The following TPR variants were observed in gnomAD, a reference collection of about 807,000 sequenced individuals.
TPR encodes translocated promoter region, nuclear basket protein.
TPR carries 51 observed loss-of-function variants against 316.1 expected under a neutral mutation model. That is an observed-to-expected ratio of 0.16 (90% CI 0.13 to 0.20). The LOEUF (loss-of-function observed/expected upper bound fraction) is 0.20. TPR is among the 10% of genes least tolerant of loss of function. The pLI is 1.00. For synonymous variants in TPR, 981 were observed against 914.7 expected (o/e 1.07, Z -1.31); for missense variants, 2,272 against 2,754.8 (o/e 0.82, Z 3.92).
chr1:186,358,366 G>A (rs1023049111), intron 13 of TPR, among the ~76,000 whole-genome samples, 177 bp downstream of exon 13: 2 of 151,812 alleles, frequency 1.3e-5, no homozygotes, highest in African/African-American at 4.8e-5. Flanking sequence ...TCAAACATTT[G>A]AAAAAAGGGA....
At chr1:186,319,546 C>G (rs1466344589) in intron 46 of TPR, among the ~76,000 whole-genome samples, 9 of 152,152 alleles carry the variant, frequency 5.9e-5, no homozygotes, top group Non-Finnish European at 2.9e-5. Context: ...AATCACATAA[C>G]ATTTTAAATT....
At position 186,336,971 on chromosome 1, in the gene TPR, T is replaced by A. The variant is rs752510828; in HGVS notation, c.4506+42A>T. On this transcript the variant is annotated intron_variant, in intron 32 of 50. Transcript: ENST00000367478. Reference sequence around the variant, plus strand: ...GTTAACACATATTTCTTTAGGTGTATAACAGGAAAGAATTAGGAACAGACT... The same window carrying A: ...GTTAACACATATTTCTTTAGGTGTAAAACAGGAAAGAATTAGGAACAGACT... The A allele has an allele frequency of 6.2e-6, 10 of 1,611,788 alleles. No individual in the cohort carries two copies. The South Asian group carries it at 1.1e-4, about 18-fold the overall frequency.
At chr1:186,323,529 T>C (rs549981347) in intron 43 of TPR, among the ~76,000 whole-genome samples, 157 bp downstream of exon 43, 1 of 152,316 alleles carries the variant, frequency 6.6e-6, no homozygotes, top group East Asian at 1.9e-4. Context: ...TTAGTTTTAG[T>C]TCAAAGAATT....
chr1:186,335,718 A>G (rs1658320137), intron 33 of TPR, among the ~76,000 whole-genome samples, 175 bp from the exon 34 acceptor site: 1 of 152,158 alleles, frequency 6.6e-6, no homozygotes, highest in South Asian at 2.1e-4. Flanking sequence ...GCTTTAACTT[A>G]TTACTAGAAT....
In TPR at chr1:186,362,310, T is replaced by A; in HGVS notation, c.767A>T (p.Asp256Val). The change falls in exon 7 of 51, where the codon GAT (aspartate) becomes GTT (valine). Residue 256 changes from aspartate to valine, a missense_variant. Around this residue, in one of 10 missense-constraint regions of TPR, gnomAD observed 549 missense variants for 598.6 expected, o/e 0.92. Coordinates refer to ENST00000367478, the MANE Select transcript of TPR (RefSeq NM_003292.3). Reference protein sequence around the residue: ...SNEHLQKHVEDLLTKLKEAKE... With the variant: ...SNEHLQKHVEVLLTKLKEAKE... ...TACCTCTTTTAATTTGGTCAACAGA[T>A]CCTCCACATGCTTTTGAAGATGTTC... 6.2e-7 allele frequency: 1 copy of A among 1,612,342 alleles called. No homozygotes were observed. The highest frequency in any genetic ancestry group is 1.3e-5 in the African/African-American group (1 of 74,958).
At chr1:186,365,555 T>C (rs146750376) in intron 4 of TPR, among the ~76,000 whole-genome samples, 1,667 of 152,180 alleles carry the variant, frequency 0.011, 18 homozygotes, top group Middle Eastern at 0.027. Flanking sequence ...TACGGCTCAA[T>C]AGAGATGATA....
In TPR at chr1:186,335,344, A is replaced by G. The variant is rs1325449974; in HGVS notation, c.4905T>C (p.Ser1635=). ...LEQRDEPQEP[S]NKVPEQQRQI... ...AGCAGAATTAGCTAATCACCTTATT[A>G]GAAGGTTCTTGAGGCTCATCTCTCT... Residue 1635 remains serine (S), a synonymous_variant, in exon 34 of 51, where the codon TCT becomes TCC. Coordinates refer to ENST00000367478, the MANE Select transcript of TPR (RefSeq NM_003292.3). 1.2e-6 allele frequency: 2 copies of G among 1,612,828 alleles called. No homozygotes were observed. The highest frequency in any genetic ancestry group is 1.7e-6 in the Non-Finnish European group (2 of 1,179,500).
At chr1:186,326,362 T>C in intron 40 of TPR, 127 bp from the exon 41 acceptor site, 1 of 1,408,808 alleles carries the variant, frequency 7.1e-7, no homozygotes, top group Non-Finnish European at 9.5e-7. Flanking sequence ...TCCTGAGAGT[T>C]GTATGGGATT....
Position 186,341,234 on chromosome 1 carries a change from G to C in TPR, c.3888+18C>G. ...TTAAAAACAACATGCTTCCACTCTTGATAACTAAGCAACAAACCTTTGCTT... is the reference window on the plus strand; with the variant it reads ...TTAAAAACAACATGCTTCCACTCTTCATAACTAAGCAACAAACCTTTGCTT... On this transcript the variant is annotated intron_variant, in intron 28 of 50. Transcript: ENST00000367478. The C allele has an allele frequency of 6.2e-7, 1 of 1,613,346 alleles. No individual in the cohort carries two copies. The highest frequency in any genetic ancestry group is 1.3e-5 in the African/African-American group (1 of 74,918).
intron 27 of TPR, chr1:186,342,984 T>C (rs1658554416): frequency 5.5e-6 from 1 of 183,002 alleles, no homozygotes; most frequent in Non-Finnish European, 1.1e-5. Flanking sequence ...ACCCACTACA[T>C]ACCAGACATG....
intron 1 of TPR, 146 bp from the exon 2 acceptor site, chr1:186,373,609 GATAA>G (rs1266352213): frequency 1.0e-5 from 5 of 486,804 alleles, no homozygotes; most frequent in African/African-American, 5.8e-5. Flanking sequence ...TCTGAGTAAA[GATAA>G]ATAGACTGAG....
intron 39 of TPR, among the ~76,000 whole-genome samples, chr1:186,329,784 T>C (rs1658104348): frequency 6.6e-6 from 1 of 152,198 alleles, no homozygotes; most frequent in Non-Finnish European, 1.5e-5. Flanking sequence ...TAAAATTTAC[T>C]TGCGATATGG....
At chr1:186,332,081 T>A in intron 38 of TPR, 114 bp downstream of exon 38, 1 of 1,155,186 alleles carries the variant, frequency 8.7e-7, no homozygotes, top group South Asian at 2.0e-5. Context: ...ATAAAAGTGT[T>A]TTCCAGATAA....
chr1:186,337,100 G>A lies in TPR; in HGVS notation c.4419C>T (p.Val1473=). 6.2e-7 allele frequency: 1 copy of A among 1,613,806 alleles called. No individual in the cohort carries two copies. The highest frequency in any genetic ancestry group is 1.1e-5 in the South Asian group (1 of 91,076). ...SGDHQEQHVS[V]QEMQELKETL... The stretch of plus-strand genomic sequence containing the variant: ...TTTCTTTGAGTTCCTGCATTTCCTG[G>A]ACTGAAACATGCTGCTCCTGATGGT... Residue 1473 remains valine, a synonymous_variant, in exon 32 of 51, where the codon GTC becomes GTT. Transcript: ENST00000367478.
chr1:186,334,256 A>C, intron 36 of TPR, 69 bp downstream of exon 36: 2 of 1,418,118 alleles, frequency 1.4e-6, no homozygotes, highest in Non-Finnish European at 1.9e-6. Flanking sequence ...TTTGTCTTTG[A>C]AATTACTGTC....
chr1:186,351,968 T>C lies in TPR; in HGVS notation c.2469+8A>G. ...CATTTTTTCTACATAGGCTTTTTAT[T>C]TGGTTACCTGAATTGTTTGCAGATT... On this transcript the variant is annotated splice_region_variant and intron_variant, in intron 19 of 50. Transcript: ENST00000367478. The C allele has an allele frequency of 2.5e-6, 4 of 1,584,432 alleles. No homozygotes were observed. The highest frequency in any genetic ancestry group is 3.4e-6 in the Non-Finnish European group (4 of 1,171,956).
intron 36 of TPR, among the ~76,000 whole-genome samples, chr1:186,333,734 T>C (rs1005253606): frequency 6.6e-5 from 10 of 152,188 alleles, no homozygotes; most frequent in African/African-American, 2.2e-4. Flanking sequence ...TAACAGATAG[T>C]AAATTTGATT....
rs1343266773 is a variant in TPR at position 186,313,430 on chromosome 1, T to C, written c.*541A>G. 2.2e-6 allele frequency: 1 copy of C among 446,166 alleles called. No homozygotes were observed. The highest frequency in any genetic ancestry group is 4.0e-6 in the Non-Finnish European group (1 of 249,878). 27.6% of individuals were successfully genotyped at this position (446,166 alleles called of 1,614,324 possible). A position where few individuals can be genotyped will look rare whatever the true frequency, so the allele number is the denominator to read the frequency against. On this transcript the variant is annotated 3_prime_UTR_variant, in exon 51 of 51. Coordinates refer to ENST00000367478, the MANE Select transcript of TPR (RefSeq NM_003292.3). ...TTTCAAACTTGGTTACTCTTTAATG[T>C]TTACTTCATAAAGGAGAGCTGAACC...
intron 39 of TPR, among the ~76,000 whole-genome samples, chr1:186,330,328 A>G (rs532886832): frequency 1.3e-5 from 2 of 152,228 alleles, no homozygotes; most frequent in African/African-American, 4.8e-5. Flanking sequence ...CTGATTTACA[A>G]TCCAGACCAC....
Sources: allele counts gnomAD v4.1 joint callset (sites outside exome capture counted in the v4.1 genomes callset), GRCh38; gene constraint gnomAD v4.1.1; regional missense constraint gnomAD v4.1.1; transcripts MANE v1.5; gene names NCBI Gene and HGNC (gene_info 2026-07-23, HGNC 2026-07-21).